TAFA5: variants seen among roughly 807,000 people sequenced by gnomAD.
The protein encoded by TAFA5 is TAFA chemokine like family member 5, also known as chemokine-like protein TAFA-5.
In TAFA5, 6 loss-of-function variants were observed where a neutral mutation model predicts 15.3. The ratio of observed to expected loss-of-function variants is 0.39; its 90% confidence interval spans 0.21 to 0.77. TAFA5 has a LOEUF of 0.77. Among genes scored for constraint, TAFA5 ranks in the 30% least tolerant of loss-of-function variants. TAFA5 has a pLI of 0.41. For synonymous variants in TAFA5, 103 were observed against 80.7 expected (o/e 1.28, Z -1.48); for missense variants, 161 against 193.1 (o/e 0.83, Z 0.98).
chr22:48,674,681 C>G (rs1233959537), intron 2 of TAFA5, among the ~76,000 whole-genome samples: 3 of 152,092 alleles, frequency 2.0e-5, no homozygotes, highest in African/African-American at 7.2e-5. Context: ...GTCCACACCC[C>G]CCACAGAAGG....
chr22:48,682,288 A>G (rs1048638745), intron 2 of TAFA5, among the ~76,000 whole-genome samples: 5 of 152,280 alleles, frequency 3.3e-5, no homozygotes, highest in African/African-American at 1.2e-4. Flanking sequence ...TAGAGCCGTG[A>G]TGATGAGGGG....
chr22:48,631,263 C>G (rs1188874233), intron 1 of TAFA5, among the ~76,000 whole-genome samples: 1 of 152,194 alleles, frequency 6.6e-6, no homozygotes, highest in Non-Finnish European at 1.5e-5. Flanking sequence ...CTCAGGCTCC[C>G]CTGGCAGGAG....
intron 1 of TAFA5, among the ~76,000 whole-genome samples, chr22:48,531,110 G>A (rs1158865345): frequency 3.1e-5 from 4 of 127,764 alleles, no homozygotes; most frequent in Non-Finnish European, 5.2e-5. Context: ...GCCTGCCGAC[G>A]TGGCTGGGCC....
intron 1 of TAFA5, among the ~76,000 whole-genome samples, chr22:48,574,313 A>G (rs1219361000): frequency 1.3e-5 from 2 of 152,116 alleles, no homozygotes; most frequent in Non-Finnish European, 2.9e-5. Flanking sequence ...GTGATGAGCC[A>G]GAGGTGAAGA....
intron 1 of TAFA5, among the ~76,000 whole-genome samples, chr22:48,577,446 C>T (rs1002203904): frequency 2.6e-5 from 4 of 152,310 alleles, no homozygotes; most frequent in Admixed American, 2.0e-4. Flanking sequence ...TGGCCTCCCC[C>T]CGGGCACCCC....
intron 1 of TAFA5, among the ~76,000 whole-genome samples, chr22:48,579,156 G>T (rs1408248852): frequency 6.6e-6 from 1 of 152,226 alleles, no homozygotes. Context: ...TGGTCTTCCA[G>T]TGTTTGTGGA....
In TAFA5 at chr22:48,490,580, G is replaced by T. The variant is rs796297304; in HGVS notation, c.112+876G>T. Among the ~76,000 whole-genome samples the T allele has an allele frequency of 6.6e-5, 10 of 151,700 alleles. No individual in the cohort carries two copies. Among genetic ancestry groups the T allele is most frequent in the African/African-American group, 2.4e-4 (10 of 41,382 alleles). On this transcript the variant is annotated intron_variant, in intron 1 of 3. Coordinates refer to ENST00000402357, the MANE Select transcript of TAFA5 (RefSeq NM_001082967.3). This position sits in a 1 kb window ranked among gnomAD's most constrained non-coding sequence, Gnocchi z 5.8. ...GTGCTCAGCATCCCGGGGCACGTTCGCGGCTGGTGGGGTAAGTGGGGGCCG... is the reference window on the plus strand; with the variant it reads ...GTGCTCAGCATCCCGGGGCACGTTCTCGGCTGGTGGGGTAAGTGGGGGCCG...
intron 2 of TAFA5, among the ~76,000 whole-genome samples, chr22:48,703,987 A>T (rs530359766): frequency 6.6e-6 from 1 of 152,344 alleles, no homozygotes; most frequent in South Asian, 2.1e-4. Context: ...TTAGGGCAGA[A>T]CAGGACAGGC....
chr22:48,737,614 A>T (rs1242571276), intron 3 of TAFA5, among the ~76,000 whole-genome samples: 78 of 152,312 alleles, frequency 5.1e-4, no homozygotes, highest in African/African-American at 1.7e-3. Context: ...ATGGCACAGC[A>T]CGGAAGGGGA....
At chr22:48,498,058 G>A (rs368829767) in intron 1 of TAFA5, among the ~76,000 whole-genome samples, 537 of 13,308 alleles carry the variant, frequency 0.04, 65 homozygotes, top group East Asian at 0.21. Context: ...AAGCCTAGGG[G>A]TGGGGCTGCA....
intron 3 of TAFA5, among the ~76,000 whole-genome samples, chr22:48,743,798 A>C (rs1930249820): frequency 6.6e-6 from 1 of 152,184 alleles, no homozygotes; most frequent in Non-Finnish European, 1.5e-5. Flanking sequence ...CGCCCTCCTG[A>C]GTCAGGTGCC....
intron 2 of TAFA5, among the ~76,000 whole-genome samples, chr22:48,653,215 C>A (rs1162298856): frequency 6.6e-6 from 1 of 152,194 alleles, no homozygotes; most frequent in Non-Finnish European, 1.5e-5. Context: ...CCCAGCACAC[C>A]CCTCCGTTCC....
chr22:48,701,343 G>A (rs1396508334), intron 2 of TAFA5, among the ~76,000 whole-genome samples: 3 of 152,302 alleles, frequency 2.0e-5, no homozygotes, highest in East Asian at 3.9e-4. Flanking sequence ...AGCTCCCAGG[G>A]AGGGCTCTCC....
intron 2 of TAFA5, among the ~76,000 whole-genome samples, chr22:48,653,506 C>G (rs533778112): frequency 5.9e-5 from 9 of 152,206 alleles, no homozygotes; most frequent in Admixed American, 1.3e-4. Flanking sequence ...GCTGACTGCC[C>G]GGCCCGACCC....
chr22:48,520,809 G>C (rs1240866195), intron 1 of TAFA5, among the ~76,000 whole-genome samples: 1 of 152,182 alleles, frequency 6.6e-6, no homozygotes, highest in Non-Finnish European at 1.5e-5. Flanking sequence ...CCCTAAACAA[G>C]GGGATCTGGA....
intron 1 of TAFA5, among the ~76,000 whole-genome samples, chr22:48,513,198 G>T (rs909261589): frequency 2.6e-5 from 4 of 152,176 alleles, no homozygotes; most frequent in Non-Finnish European, 4.4e-5. Flanking sequence ...CCGTCTACAG[G>T]AAGTCCTCAC....
intron 1 of TAFA5, among the ~76,000 whole-genome samples, chr22:48,526,625 G>A (rs1390230010): frequency 6.6e-6 from 1 of 152,178 alleles, no homozygotes; most frequent in Non-Finnish European, 1.5e-5. Flanking sequence ...GTCCTTCCTG[G>A]TCCTTACAAG....
chr22:48,726,528 A>G (rs1173256379), intron 3 of TAFA5, among the ~76,000 whole-genome samples: 1 of 151,900 alleles, frequency 6.6e-6, no homozygotes, highest in Non-Finnish European at 1.5e-5. Flanking sequence ...CAGTCGTGGT[A>G]GTCTGTACAG....
chr22:48,533,188 A>G (rs1922030747), intron 1 of TAFA5, among the ~76,000 whole-genome samples: 1 of 152,104 alleles, frequency 6.6e-6, no homozygotes, highest in African/African-American at 2.4e-5. Context: ...GGTGGCCCTG[A>G]GGAAGGGTGA....
Sources: allele counts gnomAD v4.1 joint callset (sites outside exome capture counted in the v4.1 genomes callset), GRCh38; gene constraint gnomAD v4.1.1; non-coding constraint Gnocchi (gnomAD v3.1); transcripts MANE v1.5; gene names NCBI Gene and HGNC (gene_info 2026-07-23, HGNC 2026-07-21).